The following RGS8 variants were observed in gnomAD, a reference collection of about 807,000 sequenced individuals.
RGS8 encodes regulator of G-protein signaling 8.
Under a neutral mutation model 21.7 loss-of-function variants are expected in RGS8, and 8 were observed. The observed-to-expected ratio is 0.37, with a 90% CI of 0.22 to 0.66. The LOEUF is 0.66. Ranked by LOEUF, RGS8 falls within the 30% of genes least tolerant of loss-of-function variation. The pLI is 0.59. For synonymous variants in RGS8, 80 were observed against 83.6 expected, an observed-to-expected ratio of 0.96 and a Z score of 0.24; for missense variants, 157 against 217.9, an observed-to-expected ratio of 0.72 and a Z score of 1.76.
the RGS8 span, among the ~76,000 whole-genome samples, chr1:182,715,719 G>A: frequency 1.3e-5 from 2 of 152,200 alleles, no homozygotes; most frequent in Non-Finnish European, 2.9e-5. Flanking sequence ...TGCCAGCAAT[G>A]GGGAGGGAGC....
At chr1:182,664,506 C>T (rs993973860) in intron 5 of RGS8, among the ~76,000 whole-genome samples, 1 of 152,086 alleles carries the variant, frequency 6.6e-6, no homozygotes, top group African/African-American at 2.4e-5. Flanking sequence ...TCAAGATGAC[C>T]TTGAATGAAA....
the RGS8 span, among the ~76,000 whole-genome samples, chr1:182,743,843 G>C: frequency 6.6e-6 from 1 of 152,102 alleles, no homozygotes; most frequent in South Asian, 2.1e-4. Flanking sequence ...ATATAGACAT[G>C]CTACATACAC....
At chr1:182,657,044 C>A (rs1663313703) in intron 5 of RGS8, among the ~76,000 whole-genome samples, 1 of 152,350 alleles carries the variant, frequency 6.6e-6, no homozygotes, top group East Asian at 1.9e-4. Flanking sequence ...TTGCCTGGAG[C>A]AGATGGCAGC....
chr1:182,716,874 A>T, the RGS8 span, among the ~76,000 whole-genome samples: 1 of 152,168 alleles, frequency 6.6e-6, no homozygotes, highest in African/African-American at 2.4e-5. Flanking sequence ...AAGTGAGTGC[A>T]CTTTGGGATC....
chr1:182,726,100 T>C, the RGS8 span, among the ~76,000 whole-genome samples: 1 of 152,040 alleles, frequency 6.6e-6, no homozygotes. Context: ...CGGCTTGCAG[T>C]TTGCAGTTCT....
rs1287697597 is a variant in RGS8, at chr1:182,684,390, T to C, written n.187A>G. The C allele has an allele frequency of 6.6e-6, 1 of 152,532 alleles. No individual in the cohort carries two copies. Among genetic ancestry groups the C allele is most frequent in the Non-Finnish European group, 1.5e-5 (1 of 68,314 alleles). 9.4% of individuals were successfully genotyped at this position (152,532 alleles called of 1,614,324 possible). On this transcript the variant is annotated non_coding_transcript_exon_variant, in exon 1 of 5. Coordinates refer to the RGS8 transcript ENST00000515211. The surrounding 1 kb of genome is among the most constrained non-coding windows in gnomAD (Gnocchi z 4.2). ...GGCAGCGCAGCTGGGAAGGTGTGGC[T>C]GGTGCGGGCCCCAGCTGGGCATGGT...
At chr1:182,685,114 A>G (rs1664670159), upstream of RGS8, among the ~76,000 whole-genome samples, 1 of 151,206 alleles carries the variant, frequency 6.6e-6, no homozygotes, top group Non-Finnish European at 1.5e-5. Context: ...AAAATTAGAC[A>G]TGAAAGAGTG....
chr1:182,708,674 T>C, the RGS8 span, among the ~76,000 whole-genome samples: 3 of 152,236 alleles, frequency 2.0e-5, no homozygotes, highest in Admixed American at 6.5e-5. Context: ...TCTCTCTGCA[T>C]TGAGGCCCTC....
chr1:182,673,395 G>A (rs570787424), upstream of RGS8, among the ~76,000 whole-genome samples: 12 of 152,190 alleles, frequency 7.9e-5, no homozygotes, highest in African/African-American at 2.9e-4. Context: ...ACATGCCAGA[G>A]GAGGCACAAG....
chr1:182,645,999 G>T (rs1662687188), downstream of RGS8: 3 of 152,334 alleles, frequency 2.0e-5, no homozygotes, highest in South Asian at 6.2e-4. Context: ...AGGAAGATTT[G>T]CAAGCTGTAT....
intron 5 of RGS8, among the ~76,000 whole-genome samples, chr1:182,662,414 C>G (rs1663635867): frequency 6.6e-6 from 1 of 152,214 alleles, no homozygotes; most frequent in African/African-American, 2.4e-5. Flanking sequence ...TCCTCCTACT[C>G]CAGATGCTTC....
the RGS8 span, among the ~76,000 whole-genome samples, chr1:182,692,708 A>G: frequency 1.4e-5 from 2 of 147,994 alleles, no homozygotes; most frequent in African/African-American, 4.9e-5. Context: ...AGCTGGAGGT[A>G]TCACACTACC....
the RGS8 span, among the ~76,000 whole-genome samples, chr1:182,740,245 A>G: frequency 6.6e-6 from 1 of 152,212 alleles, no homozygotes; most frequent in Non-Finnish European, 1.5e-5. Context: ...TTGACAAGCT[A>G]TTATCTTACT....
intron 5 of RGS8, among the ~76,000 whole-genome samples, chr1:182,648,730 G>A (rs747599868): frequency 2.7e-4 from 40 of 150,846 alleles, no homozygotes; most frequent in Non-Finnish European, 4.7e-4. Context: ...GCGAGACTCC[G>A]TCTCAAAAAA....
At chr1:182,725,171 A>G in the RGS8 span, among the ~76,000 whole-genome samples, 1 of 152,150 alleles carries the variant, frequency 6.6e-6, no homozygotes, top group Non-Finnish European at 1.5e-5. Context: ...TTAAAGTTTC[A>G]GTTTGATTAC....
At chr1:182,742,240 T>C in the RGS8 span, among the ~76,000 whole-genome samples, 1 of 148,946 alleles carries the variant, frequency 6.7e-6, no homozygotes, top group Non-Finnish European at 1.5e-5. Context: ...GCAGAGATGC[T>C]CCTCACTTTC....
the RGS8 span, among the ~76,000 whole-genome samples, chr1:182,747,043 C>CTTTTTTTTTTTTTTTCTTTT: frequency 4.8e-5 from 1 of 21,028 alleles, no homozygotes; most frequent in Non-Finnish European, 9.4e-5. Context: ...CACTGCTGGT[C>CTTTTTTTTTTTTTTTCTTTT]TTTTTTTTTT....
the RGS8 span, among the ~76,000 whole-genome samples, chr1:182,737,950 C>T: frequency 6.6e-6 from 1 of 152,128 alleles, no homozygotes; most frequent in Non-Finnish European, 1.5e-5. Flanking sequence ...CAATTGAAGC[C>T]CTGATTGCAG....
chr1:182,683,473 G>A (rs1664605252), intron 1 of RGS8, among the ~76,000 whole-genome samples: 1 of 151,966 alleles, frequency 6.6e-6, no homozygotes, highest in Admixed American at 6.6e-5. Flanking sequence ...GATGGGGTAA[G>A]CTTTCCTTCA....
Sources: allele counts gnomAD v4.1 joint callset (sites outside exome capture counted in the v4.1 genomes callset), GRCh38; gene constraint gnomAD v4.1.1; non-coding constraint Gnocchi (gnomAD v3.1); transcripts MANE v1.5; gene names NCBI Gene and HGNC (gene_info 2026-07-23, HGNC 2026-07-21).